MGAT5: variants seen among roughly 807,000 people sequenced by gnomAD.
MGAT5 encodes alpha-1,6-mannosylglycoprotein 6-beta-N-acetylglucosaminyltransferase, also known as alpha-1,6-mannosylglycoprotein 6-beta-N-acetylglucosaminyltransferase A.
MGAT5 carries 30 observed loss-of-function variants against 94.3 expected under a neutral mutation model. The observed-to-expected ratio is 0.32, with a 90% CI of 0.24 to 0.43. The LOEUF (loss-of-function observed/expected upper bound fraction) is 0.43. MGAT5 is among the 20% of genes least tolerant of loss of function. The pLI is 1.00. For synonymous variants in MGAT5, 310 were observed against 322.9 expected, an observed-to-expected ratio of 0.96 and a Z score of 0.43; for missense variants, 691 against 905.5, an observed-to-expected ratio of 0.76 and a Z score of 3.04.
chr2:134,278,641 A>G (rs1010345635), intron 2 of MGAT5, among the ~76,000 whole-genome samples: 3 of 152,172 alleles, frequency 2.0e-5, no homozygotes, highest in African/African-American at 7.2e-5. Context: ...ACCTGACTCA[A>G]GCTTTTCTCT....
intron 1 of MGAT5, among the ~76,000 whole-genome samples, chr2:134,164,151 A>G (rs1687861473): frequency 6.6e-6 from 1 of 152,122 alleles, no homozygotes; most frequent in South Asian, 2.1e-4. Flanking sequence ...CCCAAATTGG[A>G]GCTACCCCCA....
At chr2:134,186,493 G>T (rs1292158332) in intron 1 of MGAT5, among the ~76,000 whole-genome samples, 32 of 152,010 alleles carry the variant, frequency 2.1e-4, no homozygotes, top group Non-Finnish European at 4.4e-5. Flanking sequence ...AGGAGCACTT[G>T]TTGGCCTTTT....
chr2:134,369,473 T>A (rs2106147737), intron 10 of MGAT5, among the ~76,000 whole-genome samples: 1 of 152,340 alleles, frequency 6.6e-6, no homozygotes, highest in South Asian at 2.1e-4. Flanking sequence ...CAGCCTCAGT[T>A]TCCTCACTTG....
At chr2:134,232,861 G>A (rs1301215239) in intron 1 of MGAT5, among the ~76,000 whole-genome samples, 4 of 152,196 alleles carry the variant, frequency 2.6e-5, no homozygotes, top group South Asian at 2.1e-4. Flanking sequence ...GTATGTACAT[G>A]TGTGTGAGAT....
chr2:134,144,975 C>T (rs1686843940), intron 1 of MGAT5, among the ~76,000 whole-genome samples: 1 of 152,228 alleles, frequency 6.6e-6, no homozygotes, highest in Non-Finnish European at 1.5e-5. Context: ...ATTCATTCTG[C>T]TGTGCAGACC....
chr2:134,126,242 TA>T (rs1256515545), intron 1 of MGAT5, among the ~76,000 whole-genome samples: 1 of 152,230 alleles, frequency 6.6e-6, no homozygotes, highest in East Asian at 1.9e-4. Context: ...CCAAGGAGTT[TA>T]AAGTCTAAGC....
intron 1 of MGAT5, among the ~76,000 whole-genome samples, chr2:134,212,837 C>T (rs965559399): frequency 2.0e-5 from 3 of 152,142 alleles, no homozygotes; most frequent in African/African-American, 7.2e-5. Context: ...CCAGTGTATC[C>T]AACTATTATC....
chr2:134,357,481 GA>G (rs2106089694), intron 9 of MGAT5, among the ~76,000 whole-genome samples: 1 of 152,348 alleles, frequency 6.6e-6, no homozygotes, highest in Non-Finnish European at 1.5e-5. Context: ...CATTCATGCA[GA>G]TAATAAGCCT....
intron 2 of MGAT5, among the ~76,000 whole-genome samples, chr2:134,309,372 T>G (rs1490524045): frequency 6.6e-6 from 1 of 152,236 alleles, no homozygotes; most frequent in Non-Finnish European, 1.5e-5. Context: ...TAAGTCTGTT[T>G]AACTTTTTAA....
At chr2:134,320,947 T>A (rs1687278929) in intron 4 of MGAT5, among the ~76,000 whole-genome samples, 2 of 152,158 alleles carry the variant, frequency 1.3e-5, no homozygotes, top group Admixed American at 1.3e-4. Context: ...ACAAGGTTGT[T>A]CCATTGCCAT....
intron 9 of MGAT5, 58 bp from the exon 10 acceptor site, chr2:134,362,217 T>C (rs1680141371): frequency 6.3e-7 from 1 of 1,579,916 alleles, no homozygotes; most frequent in Admixed American, 1.8e-5. Flanking sequence ...AATATGTGAT[T>C]GTTATTTCTT....
chr2:134,126,253 C>T (rs77180979), intron 1 of MGAT5, among the ~76,000 whole-genome samples: 3 of 152,288 alleles, frequency 2.0e-5, no homozygotes, highest in Non-Finnish European at 4.4e-5. Context: ...AAAGTCTAAG[C>T]CTGGTCAATG....
chr2:134,144,701 T>G (rs545008098), intron 1 of MGAT5, among the ~76,000 whole-genome samples: 60 of 152,346 alleles, frequency 3.9e-4, no homozygotes, highest in African/African-American at 1.3e-3. Context: ...AAGTTGGCAG[T>G]AGTACATGTT....
chr2:134,439,069 T>C (rs1279565345), intron 14 of MGAT5, among the ~76,000 whole-genome samples: 1 of 152,134 alleles, frequency 6.6e-6, no homozygotes, highest in Non-Finnish European at 1.5e-5. Context: ...GCCTGCCTTG[T>C]TGGAATCAGG....
chr2:134,406,902 G>A (rs1683372490), intron 11 of MGAT5, among the ~76,000 whole-genome samples: 2 of 152,060 alleles, frequency 1.3e-5, no homozygotes. Context: ...AAAAAAGGCT[G>A]TCTGAAATAC....
At chr2:134,275,837 C>T (rs955682784) in intron 2 of MGAT5, among the ~76,000 whole-genome samples, 2 of 152,024 alleles carry the variant, frequency 1.3e-5, no homozygotes, top group South Asian at 2.1e-4. Context: ...ATCCTCCCAC[C>T]TCAGCCTCCC....
intron 1 of MGAT5, among the ~76,000 whole-genome samples, chr2:134,255,114 C>A (rs1425270609): frequency 6.6e-6 from 1 of 152,176 alleles, no homozygotes; most frequent in Admixed American, 6.5e-5. Flanking sequence ...AAATATGACA[C>A]TGGCACTTGC....
chr2:134,176,750 G>A (rs971210489), intron 1 of MGAT5, among the ~76,000 whole-genome samples: 4 of 152,154 alleles, frequency 2.6e-5, no homozygotes, highest in Admixed American at 6.5e-5. Flanking sequence ...CTCAATTTCA[G>A]TATTGATCAT....
At chr2:134,195,543 T>C (rs1679453476) in intron 1 of MGAT5, among the ~76,000 whole-genome samples, 1 of 152,222 alleles carries the variant, frequency 6.6e-6, no homozygotes, top group South Asian at 2.1e-4. Context: ...TTATCTCCCA[T>C]ATCGGCTGCA....
Sources: gnomAD v4.1 joint callset for allele counts (sites outside exome capture counted in the v4.1 genomes callset) on GRCh38, gnomAD v4.1.1 for gene constraint, MANE v1.5 for transcripts, NCBI Gene and HGNC (gene_info 2026-07-23, HGNC 2026-07-21) for gene names.